PLOD1: variants seen among roughly 807,000 people sequenced by gnomAD.
PLOD1 encodes the protein procollagen-lysine,2-oxoglutarate 5-dioxygenase 1.
A neutral mutation model predicts 94.7 loss-of-function variants in PLOD1; 70 were observed. That is an observed-to-expected ratio of 0.74 (90% CI 0.61 to 0.90). PLOD1 has a LOEUF of 0.90. Among genes scored for constraint, PLOD1 ranks in the 40% least tolerant of loss-of-function variants. The pLI is 0.00. For synonymous variants in PLOD1, 417 were observed against 400.2 expected, an observed-to-expected ratio of 1.04 and a Z score of -0.50; for missense variants, 905 against 972.7, an observed-to-expected ratio of 0.93 and a Z score of 0.93.
chr1:11,964,030 G>A lies in PLOD1; in HGVS notation c.1203-145G>A, dbSNP rs1299575659. 15 of 884,436 alleles carry A rather than the reference G, an allele frequency of 1.7e-5. 1 individual carries two copies. The highest frequency in any genetic ancestry group is 9.4e-5 in the South Asian group (7 of 74,578). The allele number at this position is 884,436 out of a possible 1,614,324, so 54.8% of individuals were successfully genotyped here. A position where few individuals can be genotyped will look rare whatever the true frequency, so the allele number is the denominator to read the frequency against. ...AGAAGAGCCAAACCCCCGACACCCC[G>A]GCCAAGGCACTGCCTGTCTCAGTGA... On this transcript the variant is annotated intron_variant, in intron 11 of 18. Coordinates refer to ENST00000196061, the MANE Select transcript of PLOD1 (RefSeq NM_000302.4).
At chr1:11,967,773 C>T (rs900890585) in intron 16 of PLOD1, among the ~76,000 whole-genome samples, 85 of 147,876 alleles carry the variant, frequency 5.7e-4, no homozygotes, top group Middle Eastern at 3.3e-3. Context: ...ATTTAGAGAC[C>T]GAGTCTCACT....
rs1285989918 is a variant in PLOD1 at position 11,964,155 on chromosome 1, G to A, written c.1203-20G>A. 6.8e-6 allele frequency: 11 copies of A among 1,613,524 alleles called. No homozygotes were observed. Among genetic ancestry groups the A allele is most frequent in the South Asian group, 1.1e-5 (1 of 91,080 alleles). On this transcript the variant is annotated intron_variant, in intron 11 of 18. Transcript: ENST00000196061. Reference sequence around the variant, plus strand: ...TCCCAGTGGGCAGCGACCTCCTACTGAGGTGCTCCCTTCCCTCAGGAACGT... The same window carrying A: ...TCCCAGTGGGCAGCGACCTCCTACTAAGGTGCTCCCTTCCCTCAGGAACGT...
chr1:11,966,003 G>A (rs554972544), intron 14 of PLOD1, among the ~76,000 whole-genome samples: 10 of 152,260 alleles, frequency 6.6e-5, no homozygotes, highest in African/African-American at 2.2e-4. Context: ...CACAGCTGAT[G>A]GGTGTAAGCA....
intron 9 of PLOD1, among the ~76,000 whole-genome samples, chr1:11,959,043 A>G (rs974610080): frequency 6.6e-6 from 1 of 152,026 alleles, no homozygotes; most frequent in East Asian, 1.9e-4. Flanking sequence ...TGCCTCTACT[A>G]AAAATACAAA....
chr1:11,956,921 G>A lies in PLOD1; in HGVS notation c.648G>A (p.Glu216=), dbSNP rs150852515. The A allele has an allele frequency of 1.9e-6, 3 of 1,611,344 alleles. No homozygotes were observed. The Admixed American group carries it at 5.0e-5, about 27-fold the overall frequency. The change falls in exon 7 of 19, where the codon GAG becomes GAA. Residue 216 remains glutamate (E), a synonymous_variant. Coordinates refer to ENST00000196061, the MANE Select transcript of PLOD1 (RefSeq NM_000302.4). ...ACTGTGCTTTCTGACCCCCAGATGA[G>A]GTCGTGCTCAAGTTTGAAATGGGCC... ...IFQNLDGALD[E]VVLKFEMGHV...
At chr1:11,951,571 CTA>C (rs908927027) in intron 4 of PLOD1, among the ~76,000 whole-genome samples, 3 of 144,688 alleles carry the variant, frequency 2.1e-5, no homozygotes, top group African/African-American at 7.6e-5. Flanking sequence ...AAAAATAATA[CTA>C]TATTTTTTTA....
chr1:11,970,133 C>G (rs1054916103), intron 16 of PLOD1, among the ~76,000 whole-genome samples: 2 of 151,876 alleles, frequency 1.3e-5, no homozygotes, highest in Admixed American at 1.3e-4. Flanking sequence ...CGCCTGTAAT[C>G]CCAGCTACTC....
At chr1:11,942,921 A>C (rs368337470) in intron 1 of PLOD1, among the ~76,000 whole-genome samples, 1 of 152,114 alleles carries the variant, frequency 6.6e-6, no homozygotes, top group South Asian at 2.1e-4. Context: ...GGGATCCTCA[A>C]CCAGAGAGGC....
At chr1:11,965,717 C>G (rs1326216810) in intron 14 of PLOD1, 124 bp downstream of exon 14, 1 of 667,166 alleles carries the variant, frequency 1.5e-6, no homozygotes, top group Non-Finnish European at 2.7e-6. Context: ...GCCACCCTCC[C>G]TTCACCCCAG....
At chr1:11,935,742 G>A (rs935586460) in intron 1 of PLOD1, among the ~76,000 whole-genome samples, 7 of 151,458 alleles carry the variant, frequency 4.6e-5, no homozygotes, top group African/African-American at 9.7e-5. Flanking sequence ...CTCCTGCCTC[G>A]GCCTCCCAAG....
At chr1:11,954,270 C>A in intron 5 of PLOD1, 1 of 279,362 alleles carries the variant, frequency 3.6e-6, no homozygotes, top group Admixed American at 5.1e-5. Flanking sequence ...GTCAGGAGTT[C>A]GAGACCAGCC....
intron 18 of PLOD1, among the ~76,000 whole-genome samples, chr1:11,974,044 A>C (rs1467797143): frequency 6.6e-6 from 1 of 152,068 alleles, no homozygotes; most frequent in Non-Finnish European, 1.5e-5. Context: ...CAATTGTAAC[A>C]TCTCATTTAA....
intron 12 of PLOD1, 76 bp downstream of exon 12, chr1:11,964,376 C>T (rs1312675004): frequency 7.0e-7 from 1 of 1,428,976 alleles, no homozygotes; most frequent in African/African-American, 1.4e-5. Context: ...GGCTCCCTCC[C>T]TATTATTCCT....
intron 5 of PLOD1, 86 bp downstream of exon 5, chr1:11,952,821 C>T: frequency 1.0e-6 from 1 of 965,972 alleles, no homozygotes; most frequent in Non-Finnish European, 1.7e-6. Flanking sequence ...AGGCCTGAAC[C>T]CCTGGGTTGG....
intron 1 of PLOD1, chr1:11,944,434 C>CAA: frequency 1.3e-6 from 1 of 785,812 alleles, no homozygotes; most frequent in East Asian, 6.6e-5. Flanking sequence ...CACACACACA[C>CAA]ACACACACAC....
intron 13 of PLOD1, among the ~76,000 whole-genome samples, chr1:11,965,156 T>C (rs555888994): frequency 4.7e-4 from 71 of 152,078 alleles, no homozygotes; most frequent in African/African-American, 1.5e-3. Flanking sequence ...GTGACTTTTT[T>C]TTTTTTTTTA....
chr1:11,951,612 TATA>T (rs945938124), intron 4 of PLOD1, among the ~76,000 whole-genome samples: 1 of 146,188 alleles, frequency 6.8e-6, no homozygotes, highest in Non-Finnish European at 1.5e-5. Context: ...ATATATTATA[TATA>T]ATAATTTATA....
rs1330959168 is a variant in PLOD1 at position 11,949,829 on chromosome 1, G to A, written c.225G>A (p.Gly75=). ...NVEKGTSAGG[G]QKVRLLKKAL... ...AGAAGGGGACGTCGGCAGGTGGAGG[G>A]CAGAAGGTCCGGCTGCTGAAGAAAG... is the stretch of plus-strand genomic sequence containing the variant. The change falls in exon 3 of 19, where the codon GGG becomes GGA. Residue 75 remains glycine (G), a synonymous_variant. Transcript: ENST00000196061. 2 of 1,614,048 alleles carry A rather than the reference G, an allele frequency of 1.2e-6. No individual in the cohort carries two copies. Among genetic ancestry groups the A allele is most frequent in the South Asian group, 1.1e-5 (1 of 91,082 alleles).
At chr1:11,936,264 T>C (rs1336155810) in intron 1 of PLOD1, among the ~76,000 whole-genome samples, 4 of 152,000 alleles carry the variant, frequency 2.6e-5, no homozygotes, top group Admixed American at 6.6e-5. Flanking sequence ...TCAAGGCAGA[T>C]TGGATTGCAG....
Sources: allele counts gnomAD v4.1 joint callset (sites outside exome capture counted in the v4.1 genomes callset), GRCh38; gene constraint gnomAD v4.1.1; transcripts MANE v1.5; gene names NCBI Gene and HGNC (gene_info 2026-07-23, HGNC 2026-07-21).